The following CDH8 variants were observed in gnomAD, a reference collection of about 807,000 sequenced individuals.
The protein encoded by CDH8 is cadherin 8.
Under a neutral mutation model 68.1 loss-of-function variants are expected in CDH8, and 17 were observed. That is an observed-to-expected ratio of 0.25 (90% CI 0.17 to 0.37). The LOEUF (loss-of-function observed/expected upper bound fraction) is 0.37, where lower values mean the gene tolerates loss of function less well. Among genes scored for constraint, CDH8 ranks in the 10% least tolerant of loss-of-function variants. The pLI, the probability that CDH8 is intolerant of heterozygous loss-of-function variation, is 1.00. For synonymous variants in CDH8, 372 were observed against 365.1 expected (o/e 1.02, Z -0.21); for missense variants, 763 against 999.3 (o/e 0.76, Z 3.19).
chr16:62,018,538 G>A (rs562617808), intron 2 of CDH8, among the ~76,000 whole-genome samples: 1 of 152,296 alleles, frequency 6.6e-6, no homozygotes, highest in Non-Finnish European at 1.5e-5. Flanking sequence ...TTCGCACTCA[G>A]CCTGACTCAT....
Position 61,980,442 on chromosome 16 carries a change from C to G in CDH8, c.252+40710G>C, listed in dbSNP as rs1253075711. ...TTTTTCATATATAAAATTCATCCAT[C>G]ATCATCATATCATCATAGTATCATC... is the stretch of plus-strand genomic sequence containing the variant. On this transcript the variant is annotated intron_variant, in intron 2 of 11. Coordinates refer to ENST00000577390, the MANE Select transcript of CDH8 (RefSeq NM_001796.5). 2.6e-5 allele frequency among the ~76,000 whole-genome samples: 4 copies of G among 152,126 alleles called. No individual in the cohort carries two copies. In the East Asian group the frequency reaches 7.7e-4, roughly 29 times the overall value.
chr16:61,698,654 A>G (rs1846667636), intron 10 of CDH8, among the ~76,000 whole-genome samples: 1 of 152,214 alleles, frequency 6.6e-6, no homozygotes, highest in African/African-American at 2.4e-5. Context: ...ATGGACCTAA[A>G]ATACTGGAGC....
chr16:61,720,805 AT>A (rs1054254077), intron 9 of CDH8, among the ~76,000 whole-genome samples: 3 of 150,918 alleles, frequency 2.0e-5, no homozygotes, highest in African/African-American at 7.3e-5. Context: ...CCATTTAGGA[AT>A]CATGTATAGT....
chr16:61,744,906 T>C (rs896903814), intron 8 of CDH8, among the ~76,000 whole-genome samples: 7 of 151,464 alleles, frequency 4.6e-5, no homozygotes, highest in African/African-American at 1.4e-4. Flanking sequence ...ACTTTATACA[T>C]GTAACACATT....
intron 4 of CDH8, among the ~76,000 whole-genome samples, chr16:61,852,873 C>CCTTCCTTCCTTCCTTCCATT (rs1962966172): frequency 2.2e-5 from 3 of 135,052 alleles, no homozygotes; most frequent in African/African-American, 9.5e-5. Context: ...TTCCTTCCTT[C>CCTTCCTTCCTTCCTTCCATT]CTTCCTTCCT....
chr16:61,661,871 T>A (rs1963564178), intron 10 of CDH8, among the ~76,000 whole-genome samples: 1 of 151,842 alleles, frequency 6.6e-6, no homozygotes, highest in Admixed American at 6.6e-5. Context: ...TTTTCATTTT[T>A]TAAAAAAAAT....
intron 3 of CDH8, among the ~76,000 whole-genome samples, chr16:61,875,087 CA>C (rs1172045582): frequency 3.9e-5 from 6 of 152,266 alleles, no homozygotes; most frequent in African/African-American, 1.4e-4. Flanking sequence ...CAGGGAGAAG[CA>C]GACAATTATA....
rs752027737 is a variant in CDH8, at chr16:61,817,646, C to T, written c.1110G>A (p.Gly370=). ...VHIDPRFSGR[G]PFKDTATVKI... ...TGACTGTCGCCGTGTCTTTAAAGGG[C>T]CCCCTGCCACTGAAGCGTGGGTCAA... The change falls in exon 7 of 12, where the codon GGG becomes GGA. Residue 370 remains glycine (G), a synonymous_variant. Transcript: ENST00000577390. 10 of 1,613,526 alleles carry T rather than the reference C, an allele frequency of 6.2e-6. No individual in the cohort carries two copies. Among genetic ancestry groups the T allele is most frequent in the Admixed American group, 3.3e-5 (2 of 59,942 alleles).
At chr16:61,755,519 G>A (rs2142956762) in intron 8 of CDH8, among the ~76,000 whole-genome samples, 1 of 152,074 alleles carries the variant, frequency 6.6e-6, no homozygotes, top group Admixed American at 6.6e-5. Context: ...AGAAATAATA[G>A]GGTGAATTAA....
At chr16:61,811,341 G>A (rs1451746845) in intron 7 of CDH8, among the ~76,000 whole-genome samples, 1 of 152,154 alleles carries the variant, frequency 6.6e-6, no homozygotes, top group African/African-American at 2.4e-5. Flanking sequence ...ACGATGTGCT[G>A]TTTTCAAATT....
chr16:61,967,445 C>G (rs970369790), intron 2 of CDH8, among the ~76,000 whole-genome samples: 1 of 152,152 alleles, frequency 6.6e-6, no homozygotes, highest in East Asian at 1.9e-4. Context: ...GGTTGAGTGT[C>G]CCTTATCTGA....
At chr16:61,964,015 C>T (rs145371866) in intron 2 of CDH8, among the ~76,000 whole-genome samples, 526 of 152,280 alleles carry the variant, frequency 3.5e-3, no homozygotes, top group African/African-American at 0.011. Flanking sequence ...AGTAAGTCTT[C>T]ACTTAATATC....
At chr16:62,018,317 G>C (rs1351234533) in intron 2 of CDH8, among the ~76,000 whole-genome samples, 3 of 152,174 alleles carry the variant, frequency 2.0e-5, no homozygotes, top group African/African-American at 7.2e-5. Flanking sequence ...CTGCCCTTGA[G>C]CTTGAACTCA....
chr16:61,655,284 G>T lies in CDH8; in HGVS notation c.1906+186C>A, dbSNP rs188975648. Among the ~76,000 whole-genome samples, 10 of 152,264 alleles carry T rather than the reference G, an allele frequency of 6.6e-5. No individual in the cohort carries two copies. The East Asian group carries it at 1.7e-3, about 27-fold the overall frequency. Reference sequence around the variant, plus strand: ...AGGCACTGAAAGTCCTCTTCATTTGGACATTTACTATCACAACCCTTTTTC... The same window carrying T: ...AGGCACTGAAAGTCCTCTTCATTTGTACATTTACTATCACAACCCTTTTTC... On this transcript the variant is annotated intron_variant, in intron 11 of 11. Transcript: ENST00000577390.
intron 10 of CDH8, among the ~76,000 whole-genome samples, chr16:61,680,547 G>A (rs1002200193): frequency 8.8e-6 from 1 of 113,526 alleles, no homozygotes; most frequent in East Asian, 2.1e-4. Context: ...TTACTCAGGG[G>A]GACTTGAACT....
chr16:61,930,282 C>A (rs546410974), intron 2 of CDH8, among the ~76,000 whole-genome samples: 5 of 151,640 alleles, frequency 3.3e-5, no homozygotes, highest in Admixed American at 6.6e-5. Context: ...CACACACACA[C>A]ACACACACAC....
chr16:61,964,534 AT>A (rs35337966), intron 2 of CDH8, among the ~76,000 whole-genome samples: 3,553 of 148,644 alleles, frequency 0.024, 108 homozygotes, highest in African/African-American at 0.074. Context: ...AAGCTGAGAG[AT>A]TTTTTTTTTT....
intron 10 of CDH8, among the ~76,000 whole-genome samples, chr16:61,670,331 A>G (rs1489534265): frequency 6.6e-6 from 1 of 152,094 alleles, no homozygotes; most frequent in Non-Finnish European, 1.5e-5. Context: ...AATGTAAAGT[A>G]GATATAATGG....
intron 10 of CDH8, among the ~76,000 whole-genome samples, chr16:61,702,626 A>G (rs1337867399): frequency 6.6e-6 from 1 of 152,230 alleles, no homozygotes; most frequent in Non-Finnish European, 1.5e-5. Flanking sequence ...TCAGTTTTAC[A>G]ACAACTAATA....
Sources: allele counts gnomAD v4.1 joint callset (sites outside exome capture counted in the v4.1 genomes callset), GRCh38; gene constraint gnomAD v4.1.1; transcripts MANE v1.5; gene names NCBI Gene and HGNC (gene_info 2026-07-23, HGNC 2026-07-21).